The following USH1C variants were observed in gnomAD, a reference collection of about 807,000 sequenced individuals.
USH1C encodes the protein USH1 protein network component harmonin.
In USH1C, 90 loss-of-function variants were observed where a neutral mutation model predicts 119.3. That is an observed-to-expected ratio of 0.75 (90% CI 0.64 to 0.90). The LOEUF (loss-of-function observed/expected upper bound fraction) is 0.90, where lower values mean the gene tolerates loss of function less well. Ranked by LOEUF, USH1C falls within the 40% of genes least tolerant of loss-of-function variation. The pLI, the probability that USH1C is intolerant of heterozygous loss-of-function variation, is 0.00. For missense variants in USH1C, 1,165 were observed against 1,167.7 expected (o/e 1.00, Z 0.03); for synonymous variants, 465 against 443.3 (o/e 1.05, Z -0.62).
At chr11:17,527,079 G>T in intron 5 of USH1C, 39 bp from the exon 6 acceptor site, 1 of 524,836 alleles carries the variant, frequency 1.9e-6, no homozygotes. Flanking sequence ...CAGCTCCCCC[G>T]CCCTCCCTCC....
chr11:17,523,161 G>A (rs1396919990), intron 11 of USH1C, 50 bp downstream of exon 11: 3 of 1,612,968 alleles, frequency 1.9e-6, no homozygotes, highest in Non-Finnish European at 2.5e-6. Context: ...AAGGTCAGAG[G>A]GGCTGGGGAT....
intron 11 of USH1C, 43 bp downstream of exon 11, chr11:17,523,168 G>C: frequency 2.5e-6 from 4 of 1,613,298 alleles, no homozygotes; most frequent in Non-Finnish European, 3.4e-6. Flanking sequence ...GAGGGGCTGG[G>C]GATGAAGGTC....
rs771210531 is a variant in USH1C, at chr11:17,531,383, G to A, written c.248+16C>T. 2 of 1,613,718 alleles carry A rather than the reference G, an allele frequency of 1.2e-6. No homozygotes were observed. The highest frequency in any genetic ancestry group is 4.5e-5 in the East Asian group (2 of 44,864). ...CTCTCCACCCCCTGCCTCCAGCCTG[G>A]TGGCTTCCTCTGCACCTGGAGCGCC... is the stretch of plus-strand genomic sequence containing the variant. On this transcript the variant is annotated intron_variant, in intron 3 of 26. Coordinates refer to ENST00000005226, the MANE Select transcript of USH1C (RefSeq NM_153676.4). This position sits in a 1 kb window ranked among gnomAD's most constrained non-coding sequence, Gnocchi z 4.2.
At chr11:17,515,860 T>C (rs1454463305) in intron 15 of USH1C, among the ~76,000 whole-genome samples, 1 of 152,212 alleles carries the variant, frequency 6.6e-6, no homozygotes, top group Non-Finnish European at 1.5e-5. Context: ...TCTCATAACA[T>C]GCACTAGGTA....
intron 15 of USH1C, 85 bp from the exon 16 acceptor site, chr11:17,512,139 A>G: frequency 8.9e-6 from 13 of 1,461,994 alleles, no homozygotes; most frequent in Non-Finnish European, 1.2e-5. Context: ...TCCTCACATA[A>G]CACAACCATC....
intron 14 of USH1C, 112 bp downstream of exon 14, chr11:17,520,758 C>T: frequency 7.4e-7 from 1 of 1,350,950 alleles, no homozygotes; most frequent in East Asian, 2.3e-5. Flanking sequence ...CATGAAGGAA[C>T]CACAGCCCAG....
At position 17,493,982 on chromosome 11, in the gene USH1C, G is replaced by C; in HGVS notation, c.*350C>G. ...GGCAGCAATTAGAGCAGAGGGCAGAGGAGAGGGATGGAGAGAGAGAGACTC... is the reference window on the plus strand; with the variant it reads ...GGCAGCAATTAGAGCAGAGGGCAGACGAGAGGGATGGAGAGAGAGAGACTC... On this transcript the variant is annotated 3_prime_UTR_variant, in exon 27 of 27. Transcript: ENST00000005226. The C allele has an allele frequency of 2.6e-6, 1 of 389,780 alleles. No individual in the cohort carries two copies. The highest frequency in any genetic ancestry group is 5.5e-5 in the East Asian group (1 of 18,268). 24.1% of individuals were successfully genotyped at this position (389,780 alleles called of 1,614,324 possible).
intron 2 of USH1C, 109 bp downstream of exon 2, chr11:17,533,146 C>G: frequency 1.2e-6 from 1 of 826,160 alleles, no homozygotes; most frequent in Non-Finnish European, 2.2e-6. Context: ...TTCCAGGAGC[C>G]GTGAGCATCC....
chr11:17,498,090 G>C (rs556307668), intron 24 of USH1C, 72 bp downstream of exon 24: 24 of 1,406,862 alleles, frequency 1.7e-5, no homozygotes, highest in South Asian at 1.4e-4. Flanking sequence ...CCTATTGTGA[G>C]ACCTGGCTGC....
chr11:17,511,525 T>C (rs1270038178), intron 16 of USH1C, among the ~76,000 whole-genome samples: 1 of 151,874 alleles, frequency 6.6e-6, no homozygotes, highest in African/African-American at 2.4e-5. Flanking sequence ...TCTGGTGGGG[T>C]AGAGTGAAGA....
chr11:17,535,925 C>T (rs746125197), intron 1 of USH1C, among the ~76,000 whole-genome samples: 12 of 152,184 alleles, frequency 7.9e-5, no homozygotes, highest in South Asian at 2.1e-4. Flanking sequence ...CTTTCTGCTA[C>T]GCCACGATGA....
intron 2 of USH1C, among the ~76,000 whole-genome samples, chr11:17,532,948 G>C (rs1193849539): frequency 2.0e-5 from 3 of 152,166 alleles, no homozygotes; most frequent in Admixed American, 6.5e-5. Context: ...TTCTTGTTCT[G>C]TCCCAACAAT....
chr11:17,505,359 G>T lies in USH1C; in HGVS notation c.2133+471C>A, dbSNP rs371432234. ...CTGTAGGTTTTGGCAAGATGGCAAC[G>T]AGGGTAACAGCGTGGGCTTTGGAGT... On this transcript the variant is annotated intron_variant, in intron 19 of 26. Coordinates refer to ENST00000005226, the MANE Select transcript of USH1C (RefSeq NM_153676.4). Among the ~76,000 whole-genome samples the T allele has an allele frequency of 3.3e-5, 5 of 152,266 alleles. 1 individual carries two copies. The highest frequency in any genetic ancestry group is 4.8e-5 in the African/African-American group (2 of 41,476).
intron 20 of USH1C, among the ~76,000 whole-genome samples, chr11:17,503,959 G>A (rs1849540882): frequency 6.6e-6 from 1 of 152,164 alleles, no homozygotes. Flanking sequence ...GTCTGTTGGT[G>A]GGTTATCAGT....
intron 1 of USH1C, among the ~76,000 whole-genome samples, chr11:17,542,967 C>T (rs995082547): frequency 1.3e-5 from 2 of 152,212 alleles, no homozygotes; most frequent in Non-Finnish European, 2.9e-5. Context: ...TTTCAGGAGC[C>T]TTCTGCCAGT....
chr11:17,501,353 A>G, intron 22 of USH1C, 129 bp downstream of exon 22: 1 of 1,180,754 alleles, frequency 8.5e-7, no homozygotes, highest in Non-Finnish European at 1.2e-6. Flanking sequence ...TCTCCGTGGG[A>G]GAGGGGAGGA....
chr11:17,496,630 C>G (rs1222721622), intron 25 of USH1C, 128 bp downstream of exon 25: 2 of 1,163,986 alleles, frequency 1.7e-6, no homozygotes, highest in Non-Finnish European at 2.5e-6. Flanking sequence ...GGAGCTCTGG[C>G]TATGAGAAGC....
chr11:17,533,294 T>C lies in USH1C; in HGVS notation c.65A>G (p.Glu22Gly), dbSNP rs753180549. ...KVDFLIENDAEKDYLYDVLRM... is the reference protein window; with the variant it reads ...KVDFLIENDAGKDYLYDVLRM... ...CAGCACATCATAGAGATAGTCCTTC[T>C]CTGCATCATTTTCAATCAGAAAATC... The change falls in exon 2 of 27, where the codon GAG becomes GGG. Residue 22 changes from glutamate to glycine, a missense_variant. By Grantham distance (98) the Glu-to-Gly change is moderately conservative. Transcript: ENST00000005226. The C allele has an allele frequency of 4.3e-6, 7 of 1,613,834 alleles. No individual in the cohort carries two copies. The highest frequency in any genetic ancestry group is 5.9e-6 in the Non-Finnish European group (7 of 1,179,912).
intron 23 of USH1C, among the ~76,000 whole-genome samples, chr11:17,499,608 C>T (rs1405384363): frequency 1.3e-5 from 2 of 152,216 alleles, no homozygotes; most frequent in Admixed American, 1.3e-4. Flanking sequence ...GAAATGAAGA[C>T]AGAAGAAGAA....
Sources: allele counts gnomAD v4.1 joint callset (sites outside exome capture counted in the v4.1 genomes callset), GRCh38; gene constraint gnomAD v4.1.1; non-coding constraint Gnocchi (gnomAD v3.1); transcripts MANE v1.5; gene names NCBI Gene and HGNC (gene_info 2026-07-23, HGNC 2026-07-21).